Variants in HDAC9 observed in about 807,000 individuals in gnomAD.
HDAC9 encodes the protein histone deacetylase 9, also known as MEF-2 interacting transcription repressor (MITR) protein.
In HDAC9, 41 loss-of-function variants were observed where a neutral mutation model predicts 139.4. The ratio of observed to expected loss-of-function variants is 0.29; its 90% CI spans 0.23 to 0.38. The LOEUF (loss-of-function observed/expected upper bound fraction) is 0.38. Among genes scored for constraint, HDAC9 ranks in the 10% least tolerant of loss-of-function variants. The pLI, the probability that HDAC9 is intolerant of heterozygous loss-of-function variation, is 1.00. For synonymous variants in HDAC9, 517 were observed against 476.2 expected, an observed-to-expected ratio of 1.09 and a Z score of -1.12; for missense variants, 1,147 against 1,297.0, an observed-to-expected ratio of 0.88 and a Z score of 1.78.
At chr7:18,820,737 CA>C (rs1406867251) in intron 17 of HDAC9, among the ~76,000 whole-genome samples, 1 of 152,028 alleles carries the variant, frequency 6.6e-6, no homozygotes, top group Non-Finnish European at 1.5e-5. Flanking sequence ...AAATGGTGAG[CA>C]AAAAGTAGAT....
intron 13 of HDAC9, among the ~76,000 whole-genome samples, chr7:18,745,043 A>G (rs920528916): frequency 1.3e-5 from 2 of 152,214 alleles, no homozygotes; most frequent in East Asian, 1.9e-4. Context: ...TTATATTGCA[A>G]ATGGTAATCA....
chr7:18,415,625 T>C (rs1461051545), intron 1 of HDAC9, among the ~76,000 whole-genome samples: 1 of 152,260 alleles, frequency 6.6e-6, no homozygotes, highest in Non-Finnish European at 1.5e-5. Flanking sequence ...CAGGTTTTGC[T>C]GGTTTTTGTT....
rs182447716 is a variant in HDAC9 at position 18,322,570 on chromosome 7, C to G, written c.-42+32055C>G. Among the ~76,000 whole-genome samples, 241 of 152,276 alleles carry G rather than the reference C, an allele frequency of 1.6e-3. 1 individual carries two copies. The highest frequency in any genetic ancestry group is 5.5e-3 in the African/African-American group (229 of 41,568). On this transcript the variant is annotated intron_variant, in intron 1 of 3. Coordinates refer to the HDAC9 transcript ENST00000413509. The stretch of plus-strand genomic sequence containing the variant: ...ATTATTATTTCCATATTGAAAGGAT[C>G]TAATTCTATAGACAGACGCAGAATG...
intron 12 of HDAC9, among the ~76,000 whole-genome samples, chr7:18,694,219 G>A (rs1183560148): frequency 6.6e-6 from 1 of 152,088 alleles, no homozygotes; most frequent in Non-Finnish European, 1.5e-5. Context: ...AAGACCAGTA[G>A]ACAGAAACTC....
At chr7:18,130,523 T>C (rs1784935364) in intron 1 of HDAC9, among the ~76,000 whole-genome samples, 1 of 152,118 alleles carries the variant, frequency 6.6e-6, no homozygotes, top group Non-Finnish European at 1.5e-5. Flanking sequence ...AGATATAATT[T>C]ACATATCATA....
chr7:18,801,641 C>G (rs912385467), intron 17 of HDAC9, among the ~76,000 whole-genome samples: 1 of 151,912 alleles, frequency 6.6e-6, no homozygotes, highest in Non-Finnish European at 1.5e-5. Flanking sequence ...AGTAATAGTT[C>G]GGTAAAAATT....
Position 18,392,486 on chromosome 7 carries a change from C to G in HDAC9, c.-42+101971C>G, listed in dbSNP as rs60246522. Among the ~76,000 whole-genome samples, 549 of 151,974 alleles carry G rather than the reference C, an allele frequency of 3.6e-3. 1 individual carries two copies. Among genetic ancestry groups the G allele is most frequent in the African/African-American group, 0.011 (471 of 41,438 alleles). ...ATGCTAATGATGTTAAAATCCGTTACTGGTAAATATAGGTATTTGGTAAAT... is the reference window on the plus strand; with the variant it reads ...ATGCTAATGATGTTAAAATCCGTTAGTGGTAAATATAGGTATTTGGTAAAT... On this transcript the variant is annotated intron_variant, in intron 1 of 3. Coordinates refer to the HDAC9 transcript ENST00000413509.
intron 2 of HDAC9, among the ~76,000 whole-genome samples, chr7:18,263,055 G>A (rs1374301970): frequency 6.6e-6 from 1 of 152,100 alleles, no homozygotes; most frequent in Non-Finnish European, 1.5e-5. Flanking sequence ...AAAAAAAGCA[G>A]ATGTTGAAAG....
rs376058119 is a variant in HDAC9 at position 18,835,654 on chromosome 7, C to T, written c.2586+68C>T. 4.4e-6 allele frequency: 7 copies of T among 1,585,996 alleles called. No individual in the cohort carries two copies. The African/African-American group carries it at 8.1e-5, about 18-fold the overall frequency. On this transcript the variant is annotated intron_variant, in intron 20 of 25. Transcript: ENST00000686413. Reference sequence around the variant, plus strand: ...TCAGGTAATTGCATTGCATGATTACCCCTAATTTTCTTGTCCTTTGCTGGT... The same window carrying T: ...TCAGGTAATTGCATTGCATGATTACTCCTAATTTTCTTGTCCTTTGCTGGT...
chr7:18,208,915 A>G (rs568536571), intron 2 of HDAC9, among the ~76,000 whole-genome samples: 28 of 152,338 alleles, frequency 1.8e-4, no homozygotes, highest in African/African-American at 6.7e-4. Context: ...CCTTACTCAT[A>G]TGTGCATTTT....
chr7:18,248,683 A>T (rs917328), intron 2 of HDAC9, among the ~76,000 whole-genome samples: 50 of 152,090 alleles, frequency 3.3e-4, no homozygotes, highest in Admixed American at 1.4e-3. Flanking sequence ...GCAATAAATG[A>T]TCTTAGAGGA....
intron 1 of HDAC9, among the ~76,000 whole-genome samples, chr7:18,135,251 CTTTCTT>C (rs1785305574): frequency 9.3e-6 from 1 of 107,286 alleles, no homozygotes; most frequent in South Asian, 3.1e-4. Flanking sequence ...GCAAAAATTT[CTTTCTT>C]TTTTTTTTTT....
At chr7:18,761,873 A>G (rs527564694) in intron 14 of HDAC9, among the ~76,000 whole-genome samples, 2 of 152,342 alleles carry the variant, frequency 1.3e-5, no homozygotes, top group East Asian at 3.9e-4. Context: ...ATACTTTACA[A>G]AAGAGTTAAC....
chr7:18,566,280 C>T (rs950871169), intron 2 of HDAC9, among the ~76,000 whole-genome samples: 1 of 152,168 alleles, frequency 6.6e-6, no homozygotes, highest in Admixed American at 6.5e-5. Flanking sequence ...CAAAGCCTGT[C>T]CTAGGGTAGT....
At chr7:18,475,490 G>A (rs1466490635) in intron 1 of HDAC9, among the ~76,000 whole-genome samples, 3 of 152,130 alleles carry the variant, frequency 2.0e-5, no homozygotes, top group Non-Finnish European at 4.4e-5. Context: ...TATTATTGTA[G>A]AAAGAAGTTC....
At chr7:18,351,749 AAGC>A (rs1782863195) in intron 1 of HDAC9, among the ~76,000 whole-genome samples, 1 of 152,206 alleles carries the variant, frequency 6.6e-6, no homozygotes, top group African/African-American at 2.4e-5. Flanking sequence ...AGCATTTGCA[AAGC>A]CCTACATAAA....
intron 2 of HDAC9, among the ~76,000 whole-genome samples, chr7:18,202,323 C>T (rs1355271681): frequency 2.0e-5 from 3 of 152,068 alleles, no homozygotes; most frequent in East Asian, 3.9e-4. Flanking sequence ...TCTACATTAG[C>T]TTTCAAGATA....
At chr7:18,236,409 C>A (rs1044584114) in intron 2 of HDAC9, among the ~76,000 whole-genome samples, 4 of 152,112 alleles carry the variant, frequency 2.6e-5, no homozygotes, top group East Asian at 1.9e-4. Context: ...GTGTCTTATT[C>A]CAAGTTGACA....
intron 1 of HDAC9, among the ~76,000 whole-genome samples, chr7:18,398,399 T>C (rs1787244633): frequency 6.6e-6 from 1 of 152,190 alleles, no homozygotes; most frequent in East Asian, 1.9e-4. Context: ...TAAGATTTTG[T>C]TCTTGGGAAA....
Sources: gnomAD v4.1 joint callset for allele counts (sites outside exome capture counted in the v4.1 genomes callset) on GRCh38, gnomAD v4.1.1 for gene constraint, MANE v1.5 for transcripts, NCBI Gene and HGNC (gene_info 2026-07-23, HGNC 2026-07-21) for gene names.